The following SNX24 variants were observed in gnomAD, a reference collection of about 807,000 sequenced individuals.
The protein encoded by SNX24 is sorting nexin-24.
SNX24 carries 22 observed loss-of-function variants against 28.7 expected under a neutral mutation model. The observed-to-expected ratio is 0.77, with a 90% CI of 0.55 to 1.10. The LOEUF (loss-of-function observed/expected upper bound fraction) is 1.10. SNX24 is among the 50% of genes least tolerant of loss of function. SNX24 has a pLI of 0.00. For missense variants in SNX24, 221 were observed against 201.1 expected (o/e 1.10, Z -0.60); for synonymous variants, 69 against 71.5 (o/e 0.96, Z 0.18).
intron 3 of SNX24, among the ~76,000 whole-genome samples, chr5:122,976,631 C>T (rs1451185887): frequency 6.6e-6 from 1 of 152,182 alleles, no homozygotes; most frequent in East Asian, 1.9e-4. Context: ...ATGTCTTTAT[C>T]AAGGAATCCC....
chr5:122,893,018 G>A (rs1367272200), intron 1 of SNX24, among the ~76,000 whole-genome samples: 3 of 151,714 alleles, frequency 2.0e-5, no homozygotes, highest in Non-Finnish European at 2.9e-5. Flanking sequence ...CACCCACCTC[G>A]GCCTCCCAAA....
At chr5:122,924,755 C>T (rs1430626651) in intron 1 of SNX24, among the ~76,000 whole-genome samples, 1 of 152,142 alleles carries the variant, frequency 6.6e-6, no homozygotes, top group Non-Finnish European at 1.5e-5. Flanking sequence ...GTTATCATCT[C>T]TGTTTTACGT....
chr5:122,904,481 C>T (rs1757565800), intron 1 of SNX24, among the ~76,000 whole-genome samples: 1 of 152,054 alleles, frequency 6.6e-6, no homozygotes, highest in African/African-American at 2.4e-5. Context: ...CCACTCCCGG[C>T]CTTTTTATCT....
At chr5:122,996,753 T>C (rs1479340138) in intron 3 of SNX24, among the ~76,000 whole-genome samples, 1 of 152,116 alleles carries the variant, frequency 6.6e-6, no homozygotes, top group Non-Finnish European at 1.5e-5. Context: ...ACACTGCCTC[T>C]CTAAAGAATG....
chr5:122,961,084 T>C (rs186535351), intron 3 of SNX24, among the ~76,000 whole-genome samples: 100 of 152,336 alleles, frequency 6.6e-4, no homozygotes, highest in Admixed American at 1.8e-3. Context: ...CATGAACATA[T>C]CTGTTTCTAG....
chr5:122,993,309 T>C (rs910171652), intron 3 of SNX24, among the ~76,000 whole-genome samples: 1 of 150,140 alleles, frequency 6.7e-6, no homozygotes, highest in African/African-American at 2.5e-5. Flanking sequence ...TTTTTTTTTT[T>C]TTTTTTTGAG....
intron 1 of SNX24, among the ~76,000 whole-genome samples, chr5:122,932,858 C>CAAAAAAAAAAAAAAAAAAAAAAAAAAAAA (rs57930558): frequency 1.1e-5 from 1 of 88,016 alleles, no homozygotes; most frequent in Non-Finnish European, 2.2e-5. Flanking sequence ...GACTCTGTCT[C>CAAAAAAAAAAAAAAAAAAAAAAAAAAAAA]AAAAAAAAAA....
At chr5:122,885,007 A>G (rs1756645196) in intron 1 of SNX24, among the ~76,000 whole-genome samples, 1 of 152,250 alleles carries the variant, frequency 6.6e-6, no homozygotes, top group Non-Finnish European at 1.5e-5. Context: ...CTATTATGGA[A>G]AAGAACATGT....
chr5:122,996,345 T>C (rs1249319081), intron 3 of SNX24, among the ~76,000 whole-genome samples: 1 of 152,212 alleles, frequency 6.6e-6, no homozygotes, highest in East Asian at 1.9e-4. Flanking sequence ...GTGAGTGCTA[T>C]TGCCCTGTCT....
chr5:122,977,835 C>A (rs1761231826), intron 3 of SNX24, among the ~76,000 whole-genome samples: 1 of 152,068 alleles, frequency 6.6e-6, no homozygotes, highest in Admixed American at 6.6e-5. Flanking sequence ...TGTTTGAGTT[C>A]TTATGATGAT....
intron 1 of SNX24, among the ~76,000 whole-genome samples, chr5:122,891,490 A>G (rs1245756236): frequency 6.6e-6 from 1 of 151,942 alleles, no homozygotes; most frequent in Non-Finnish European, 1.5e-5. Context: ...CTTTTATTGA[A>G]TTTTTTTCAG....
At chr5:122,877,815 C>T (rs1357544528) in intron 1 of SNX24, among the ~76,000 whole-genome samples, 1 of 151,992 alleles carries the variant, frequency 6.6e-6, no homozygotes. Context: ...CTCCTTTCTC[C>T]ATTGGTGGAG....
intron 2 of SNX24, among the ~76,000 whole-genome samples, chr5:122,943,361 T>C (rs917816593): frequency 3.9e-5 from 6 of 152,326 alleles, no homozygotes; most frequent in Middle Eastern, 3.4e-3. Context: ...GAGGAGCTGC[T>C]ACTTCCCCAC....
intron 1 of SNX24, among the ~76,000 whole-genome samples, chr5:122,913,424 G>A (rs1355360444): frequency 3.3e-5 from 5 of 151,130 alleles, no homozygotes; most frequent in African/African-American, 2.4e-5. Flanking sequence ...CGGACGGGGC[G>A]GCTGGCCGGG....
At chr5:122,954,229 TATAATC>T (rs879668647) in intron 3 of SNX24, among the ~76,000 whole-genome samples, 2 of 151,758 alleles carry the variant, frequency 1.3e-5, no homozygotes, top group Non-Finnish European at 2.9e-5. Flanking sequence ...ATAAAATACA[TATAATC>T]AGATCAGTGT....
In SNX24 at chr5:123,002,004, G is replaced by A. The variant is rs1173906111; in HGVS notation, c.442G>A (p.Asp148Asn). The A allele has an allele frequency of 2.5e-6, 4 of 1,613,140 alleles. No individual in the cohort carries two copies. The highest frequency in any genetic ancestry group is 2.2e-5 in the East Asian group (1 of 44,874). Residue 148 changes from aspartate to asparagine, a missense_variant and splice_region_variant, in exon 6 of 7, where the codon GAT becomes AAT. Physicochemically the swap from Asp to Asn is conservative, Grantham distance 23. Coordinates refer to ENST00000261369, the MANE Select transcript of SNX24 (RefSeq NM_014035.4). ...RDPYVLPAAS[D>N]FPNVVIEGVL... ...TCCATATGTCTTGCCTGCAGCCAGC[G>A]GTAATCAAACCTGTCATCTGCTAAC...
At chr5:122,850,331 G>T (rs1216721648) in intron 1 of SNX24, among the ~76,000 whole-genome samples, 1 of 152,112 alleles carries the variant, frequency 6.6e-6, no homozygotes, top group African/African-American at 2.4e-5. Context: ...ATTTTATAAG[G>T]TTACTAATCC....
intron 5 of SNX24, chr5:123,023,722 TTTGATTTTTATAAC>T: frequency 8.2e-7 from 1 of 1,222,098 alleles, no homozygotes; most frequent in South Asian, 2.4e-5. Context: ...AGGGTGACGG[TTTGATTTTTATAAC>T]TTTCCTGTGA....
chr5:122,980,858 A>T, intron 3 of SNX24, among the ~76,000 whole-genome samples: 1 of 152,066 alleles, frequency 6.6e-6, no homozygotes, highest in East Asian at 1.9e-4. Context: ...CCTTCACTCT[A>T]CAGGTTGCTG....
Sources: allele counts gnomAD v4.1 joint callset (sites outside exome capture counted in the v4.1 genomes callset), GRCh38; gene constraint gnomAD v4.1.1; transcripts MANE v1.5; gene names NCBI Gene and HGNC (gene_info 2026-07-23, HGNC 2026-07-21).